The following BABAM2 variants were observed in gnomAD, a reference collection of about 807,000 sequenced individuals.
BABAM2 encodes BRISC and BRCA1-A complex member 2.
Under a neutral mutation model 54.7 loss-of-function variants are expected in BABAM2, and 31 were observed. The observed-to-expected ratio is 0.57, with a 90% CI of 0.43 to 0.77. The LOEUF (loss-of-function observed/expected upper bound fraction) is 0.77, where lower values mean the gene tolerates loss of function less well. Among genes scored for constraint, BABAM2 ranks in the 30% least tolerant of loss-of-function variants. BABAM2 has a pLI of 0.00. For synonymous variants in BABAM2, 167 were observed against 162.9 expected, an observed-to-expected ratio of 1.03 and a Z score of -0.19; for missense variants, 364 against 455.8, an observed-to-expected ratio of 0.80 and a Z score of 1.83.
intron 6 of BABAM2, 36 bp downstream of exon 6, chr2:28,045,835 T>C (rs1677514740): frequency 2.0e-6 from 3 of 1,497,898 alleles, no homozygotes; most frequent in Non-Finnish European, 1.8e-6. Context: ...AGAATATAAG[T>C]GAGCTTTTTA....
chr2:28,137,979 A>C (rs1424165609), intron 7 of BABAM2, among the ~76,000 whole-genome samples: 1 of 152,190 alleles, frequency 6.6e-6, no homozygotes, highest in African/African-American at 2.4e-5. Flanking sequence ...AAAACATCTC[A>C]AGGGTTTTGT....
chr2:28,233,978 A>G (rs370421724), intron 7 of BABAM2, among the ~76,000 whole-genome samples: 1 of 7,632 alleles, frequency 1.3e-4, no homozygotes, highest in African/African-American at 1.5e-4. Context: ...GCCCCTCATC[A>G]TTTGGGATGC....
chr2:28,114,190 A>T (rs1031567756), intron 6 of BABAM2, among the ~76,000 whole-genome samples: 1 of 152,218 alleles, frequency 6.6e-6, no homozygotes, highest in African/African-American at 2.4e-5. Context: ...GGCAAGAGAA[A>T]GAAATAAAGA....
chr2:28,015,450 A>G (rs1284157063), intron 4 of BABAM2, among the ~76,000 whole-genome samples: 3 of 152,182 alleles, frequency 2.0e-5, no homozygotes, highest in Non-Finnish European at 4.4e-5. Context: ...TTATCTTTAG[A>G]CACTTCTAGT....
At chr2:27,975,418 T>G (rs1339619940) in intron 3 of BABAM2, among the ~76,000 whole-genome samples, 1 of 152,070 alleles carries the variant, frequency 6.6e-6, no homozygotes, top group Non-Finnish European at 1.5e-5. Context: ...AGTCCAATAA[T>G]AGATCCATAT....
intron 6 of BABAM2, among the ~76,000 whole-genome samples, chr2:28,092,300 T>C (rs1666219122): frequency 6.6e-6 from 1 of 152,112 alleles, no homozygotes; most frequent in African/African-American, 2.4e-5. Context: ...GACACTGTAA[T>C]TGTGTATGTA....
Position 27,903,310 on chromosome 2 carries a change from C to T in BABAM2, c.128+8626C>T, listed in dbSNP as rs1665947539. On this transcript the variant is annotated intron_variant, in intron 2 of 11. Coordinates refer to ENST00000379624, the MANE Select transcript of BABAM2 (RefSeq NM_199191.3). Reference sequence around the variant, plus strand: ...GCCAGTAGGACAAATTCCCCCCTTCCATCTTGTTCTAATTCTTAAAAATTG... The same window carrying T: ...GCCAGTAGGACAAATTCCCCCCTTCTATCTTGTTCTAATTCTTAAAAATTG... Among the ~76,000 whole-genome samples the T allele has an allele frequency of 2.0e-5, 3 of 152,290 alleles. No homozygotes were observed. In the South Asian group the frequency reaches 6.2e-4, roughly 32 times the overall value.
In BABAM2 at chr2:28,138,571, T is replaced by C. The variant is rs7596910; in HGVS notation, c.680+9191T>C. ...AGTTCTGCATTTTTAATGTCTTCTA[T>C]ATTGTCTCATGCTAGAATAGTCATT... On this transcript the variant is annotated intron_variant, in intron 7 of 11. Coordinates refer to ENST00000379624, the MANE Select transcript of BABAM2 (RefSeq NM_199191.3). Among the ~76,000 whole-genome samples, 660 of 152,354 alleles carry C rather than the reference T, an allele frequency of 4.3e-3. 1 individual carries two copies. The highest frequency in any genetic ancestry group is 0.015 in the African/African-American group (634 of 41,580).
chr2:27,925,754 A>G (rs916972815), intron 2 of BABAM2, among the ~76,000 whole-genome samples: 15 of 152,120 alleles, frequency 9.9e-5, no homozygotes, highest in African/African-American at 3.6e-4. Flanking sequence ...GGCTGAGGGG[A>G]ATGGTCTCTG....
intron 10 of BABAM2, among the ~76,000 whole-genome samples, chr2:28,278,031 T>A (rs1401599773): frequency 6.6e-6 from 1 of 152,180 alleles, no homozygotes; most frequent in Non-Finnish European, 1.5e-5. Flanking sequence ...GAGAGAACAG[T>A]GTATTCGTGG....
chr2:28,265,797 A>G (rs1002994970), intron 10 of BABAM2, among the ~76,000 whole-genome samples: 17 of 152,126 alleles, frequency 1.1e-4, no homozygotes, highest in South Asian at 6.2e-4. Flanking sequence ...ACCTTTAACA[A>G]TTTTTTAATT....
intron 6 of BABAM2, among the ~76,000 whole-genome samples, chr2:28,102,466 T>C (rs1018449203): frequency 6.6e-6 from 1 of 152,230 alleles, no homozygotes; most frequent in East Asian, 1.9e-4. Context: ...TTCATTTTCA[T>C]TTCAAGCCCC....
chr2:27,935,944 G>A (rs1436862320), intron 3 of BABAM2, among the ~76,000 whole-genome samples: 1 of 151,900 alleles, frequency 6.6e-6, no homozygotes, highest in African/African-American at 2.4e-5. Context: ...TTTGAGACAG[G>A]GTCTTGCTCT....
chr2:27,913,171 T>C (rs969388141), intron 2 of BABAM2, among the ~76,000 whole-genome samples: 3 of 152,152 alleles, frequency 2.0e-5, no homozygotes, highest in African/African-American at 7.2e-5. Context: ...GAAAAAGACA[T>C]GAAATACAAG....
intron 4 of BABAM2, among the ~76,000 whole-genome samples, chr2:28,014,589 ATTTC>A (rs1431361874): frequency 3.6e-5 from 5 of 139,920 alleles, no homozygotes; most frequent in African/African-American, 8.0e-5. Flanking sequence ...AGATATTTGC[ATTTC>A]TTTCTTTCTT....
chr2:27,963,469 CAAAAAAAAAAAA>C (rs760525051), intron 3 of BABAM2, among the ~76,000 whole-genome samples: 7 of 54,404 alleles, frequency 1.3e-4, no homozygotes, highest in Admixed American at 4.1e-4. Context: ...GACTCTTTCT[CAAAAAAAAAAAA>C]AAAAAAAAAA....
chr2:28,146,218 T>G (rs1278357829), intron 7 of BABAM2, among the ~76,000 whole-genome samples: 1 of 152,228 alleles, frequency 6.6e-6, no homozygotes, highest in Non-Finnish European at 1.5e-5. Context: ...AAATATTTTC[T>G]CCCATTCTGT....
intron 7 of BABAM2, among the ~76,000 whole-genome samples, chr2:28,228,137 ATCT>A (rs779141237): frequency 6.6e-6 from 1 of 152,194 alleles, no homozygotes; most frequent in Non-Finnish European, 1.5e-5. Context: ...TGCTAATCTC[ATCT>A]TCTGGTATCT....
In BABAM2 at chr2:28,200,169, A is replaced by G. The variant is rs116526021; in HGVS notation, c.681-37033A>G. On this transcript the variant is annotated intron_variant, in intron 7 of 11. Coordinates refer to ENST00000379624, the MANE Select transcript of BABAM2 (RefSeq NM_199191.3). ...ACAGTGATTGACAGTGAACAACACT[A>G]AAAGAAGGAGAAGCCAGGACAGGAC... is the stretch of plus-strand genomic sequence containing the variant. Among the ~76,000 whole-genome samples, 1,053 of 152,324 alleles carry G rather than the reference A, an allele frequency of 6.9e-3. 8 individuals are homozygous for G. Among genetic ancestry groups the G allele is most frequent in the African/African-American group, 0.024 (994 of 41,576 alleles).
Sources: gnomAD v4.1 joint callset for allele counts (sites outside exome capture counted in the v4.1 genomes callset) on GRCh38, gnomAD v4.1.1 for gene constraint, MANE v1.5 for transcripts, NCBI Gene and HGNC (gene_info 2026-07-23, HGNC 2026-07-21) for gene names.